The following KCNJ6 variants were observed in gnomAD, a reference collection of about 807,000 sequenced individuals.
KCNJ6 encodes the protein potassium inwardly rectifying channel subfamily J member 6, also known as G protein-activated inward rectifier potassium channel 2.
In KCNJ6, 9 loss-of-function variants were observed where a neutral mutation model predicts 34.2. That is an observed-to-expected ratio of 0.26 (90% CI 0.16 to 0.46). KCNJ6 has a LOEUF of 0.46. Ranked by LOEUF, KCNJ6 falls within the 20% of genes least tolerant of loss-of-function variation. The pLI is 1.00. For missense variants in KCNJ6, 236 were observed against 531.3 expected, an observed-to-expected ratio of 0.44 and a Z score of 5.46; for synonymous variants, 196 against 207.1, an observed-to-expected ratio of 0.95 and a Z score of 0.46.
At chr21:37,630,994 C>G (rs2054331285) in intron 3 of KCNJ6, among the ~76,000 whole-genome samples, 1 of 152,138 alleles carries the variant, frequency 6.6e-6, no homozygotes, top group African/African-American at 2.4e-5. Context: ...CAGTCTCTTG[C>G]TGGAACTATC....
chr21:37,656,169 A>G (rs1243894996), intron 3 of KCNJ6, among the ~76,000 whole-genome samples: 1 of 152,192 alleles, frequency 6.6e-6, no homozygotes, highest in Non-Finnish European at 1.5e-5. Flanking sequence ...GGCTGGCATC[A>G]GCTGGCCACA....
chr21:37,796,318 T>A (rs2055241807), intron 2 of KCNJ6, among the ~76,000 whole-genome samples: 1 of 152,122 alleles, frequency 6.6e-6, no homozygotes, highest in South Asian at 2.1e-4. Flanking sequence ...TAGAGTGATA[T>A]TAAAATAAAT....
At chr21:37,761,653 T>TTG in intron 2 of KCNJ6, among the ~76,000 whole-genome samples, 3 of 150,412 alleles carry the variant, frequency 2.0e-5, no homozygotes, top group African/African-American at 7.4e-5. Flanking sequence ...GTGTGTATAT[T>TTG]TGTGTGTTGT....
chr21:37,767,391 A>C (rs544345697), intron 2 of KCNJ6, among the ~76,000 whole-genome samples: 74 of 152,308 alleles, frequency 4.9e-4, no homozygotes, highest in African/African-American at 1.7e-3. Flanking sequence ...TAGGATCTGC[A>C]AGGGACCTTA....
intron 2 of KCNJ6, among the ~76,000 whole-genome samples, chr21:37,732,647 G>A (rs1344076819): frequency 1.6e-4 from 24 of 152,202 alleles, no homozygotes; most frequent in Admixed American, 1.6e-3. Context: ...TCTCACGACA[G>A]AGGAAAGAAT....
At chr21:37,815,593 G>A (rs572327142) in intron 2 of KCNJ6, among the ~76,000 whole-genome samples, 3 of 152,134 alleles carry the variant, frequency 2.0e-5, no homozygotes, top group African/African-American at 7.2e-5. Flanking sequence ...GGTCCTCCAC[G>A]GAAGTCCTGA....
intron 1 of KCNJ6, among the ~76,000 whole-genome samples, chr21:37,901,057 T>C (rs1007365703): frequency 1.3e-5 from 2 of 150,910 alleles, no homozygotes; most frequent in Non-Finnish European, 3.0e-5. Flanking sequence ...AAAATTTAGC[T>C]TATCTGAATG....
intron 1 of KCNJ6, among the ~76,000 whole-genome samples, chr21:37,881,220 G>T (rs1239686640): frequency 3.9e-5 from 6 of 152,206 alleles, no homozygotes; most frequent in Non-Finnish European, 8.8e-5. Context: ...GAAAGCTCCG[G>T]GATTCTGATG....
intron 3 of KCNJ6, among the ~76,000 whole-genome samples, chr21:37,685,263 C>A (rs1347331835): frequency 1.3e-5 from 2 of 152,028 alleles, no homozygotes; most frequent in Admixed American, 6.6e-5. Flanking sequence ...AATAGGTAGA[C>A]AAAGGCGTGC....
intron 3 of KCNJ6, among the ~76,000 whole-genome samples, chr21:37,649,160 A>G (rs2054420738): frequency 6.7e-6 from 1 of 149,774 alleles, no homozygotes; most frequent in South Asian, 2.1e-4. Flanking sequence ...AAAAAGAAAG[A>G]AAAAGAAAGG....
rs58078142 is a variant in KCNJ6, at chr21:37,742,015, T to A, written c.26-26884A>T. ...CAGGCAGGGGAGTGAGAAAGCTTCA[T>A]GTTGGAAAAGGGGGAAGGCCTCAGG... On this transcript the variant is annotated intron_variant, in intron 2 of 3. Coordinates refer to ENST00000609713, the MANE Select transcript of KCNJ6 (RefSeq NM_002240.5). 7.1e-3 allele frequency among the ~76,000 whole-genome samples: 1,078 copies of A among 152,284 alleles called. 8 individuals carry two copies. The highest frequency in any genetic ancestry group is 0.024 in the African/African-American group (1,015 of 41,568).
chr21:37,822,204 T>G (rs1325657581), intron 2 of KCNJ6, among the ~76,000 whole-genome samples: 2 of 152,210 alleles, frequency 1.3e-5, no homozygotes, highest in African/African-American at 4.8e-5. Context: ...TCCCTTGTCA[T>G]GCTAGGAGCT....
Position 37,615,302 on chromosome 21 carries a change from G to T in KCNJ6, c.*9857C>A, listed in dbSNP as rs186688273. On this transcript the variant is annotated 3_prime_UTR_variant, in exon 4 of 4. Transcript: ENST00000609713. ...GAGTCTCGCTCTGTCGCCCAGGTCG[G>T]ACTGCGGACTGCAGTGGCGCAATCT... The T allele has an allele frequency of 2.1e-5, 3 of 142,506 alleles. No individual in the cohort carries two copies. The highest frequency in any genetic ancestry group is 4.5e-5 in the Non-Finnish European group (3 of 67,176). 8.8% of individuals were successfully genotyped at this position (142,506 alleles called of 1,614,324 possible).
chr21:37,773,467 GT>G (rs2055127475), intron 2 of KCNJ6, among the ~76,000 whole-genome samples: 1 of 152,108 alleles, frequency 6.6e-6, no homozygotes, highest in Non-Finnish European at 1.5e-5. Flanking sequence ...CAGAGGGAAG[GT>G]GTGAAGTCGC....
chr21:37,886,202 T>A (rs1040518836), intron 1 of KCNJ6, among the ~76,000 whole-genome samples: 1 of 152,172 alleles, frequency 6.6e-6, no homozygotes, highest in African/African-American at 2.4e-5. Flanking sequence ...TTATATTTTT[T>A]AAAAACCCAA....
At chr21:37,845,145 A>T (rs191545488) in intron 1 of KCNJ6, among the ~76,000 whole-genome samples, 19 of 152,306 alleles carry the variant, frequency 1.2e-4, no homozygotes, top group African/African-American at 3.4e-4. Flanking sequence ...GACTGTGATT[A>T]TTGGTGGTAT....
intron 3 of KCNJ6, among the ~76,000 whole-genome samples, chr21:37,639,634 C>T (rs2123375677): frequency 1.3e-5 from 2 of 152,324 alleles, no homozygotes; most frequent in Admixed American, 1.3e-4. Flanking sequence ...ATCCTAAACT[C>T]CTTCTGCCCA....
At chr21:37,705,482 G>C (rs150627528) in intron 3 of KCNJ6, among the ~76,000 whole-genome samples, 1 of 152,276 alleles carries the variant, frequency 6.6e-6, no homozygotes, top group East Asian at 1.9e-4. Flanking sequence ...TGAAATAAAT[G>C]ACAGCTATGA....
intron 3 of KCNJ6, among the ~76,000 whole-genome samples, chr21:37,648,338 C>A (rs2054415254): frequency 6.6e-6 from 1 of 152,148 alleles, no homozygotes; most frequent in African/African-American, 2.4e-5. Flanking sequence ...ATGGCACCTG[C>A]TGGCTGAACT....
Sources: allele counts gnomAD v4.1 joint callset (sites outside exome capture counted in the v4.1 genomes callset), GRCh38; gene constraint gnomAD v4.1.1; transcripts MANE v1.5; gene names NCBI Gene and HGNC (gene_info 2026-07-23, HGNC 2026-07-21).